The following PDZRN4 variants were observed in gnomAD, a reference collection of about 807,000 sequenced individuals.
PDZRN4 encodes the protein PDZ domain containing ring finger 4.
PDZRN4 carries 70 observed loss-of-function variants against 99.0 expected under a neutral mutation model. The ratio of observed to expected loss-of-function variants is 0.71; its 90% CI spans 0.58 to 0.86. The LOEUF (loss-of-function observed/expected upper bound fraction) is 0.86. Ranked by LOEUF, PDZRN4 falls within the 40% of genes least tolerant of loss-of-function variation. The pLI is 0.00. For missense variants in PDZRN4, 1,474 were observed against 1,331.2 expected (o/e 1.11, Z -1.67); for synonymous variants, 551 against 501.6 (o/e 1.10, Z -1.32).
intron 3 of PDZRN4, among the ~76,000 whole-genome samples, chr12:41,320,088 G>T (rs1302230198): frequency 6.6e-6 from 1 of 152,230 alleles, no homozygotes; most frequent in Non-Finnish European, 1.5e-5. Flanking sequence ...TGCTGTCCCA[G>T]TACCTGCTGT....
intron 3 of PDZRN4, among the ~76,000 whole-genome samples, chr12:41,313,927 G>T (rs1951622999): frequency 2.0e-5 from 3 of 152,128 alleles, no homozygotes. Flanking sequence ...GTGTGTATCT[G>T]TGTGTATAAA....
chr12:41,393,641 A>G (rs1952225799), intron 3 of PDZRN4, among the ~76,000 whole-genome samples: 3 of 152,148 alleles, frequency 2.0e-5, no homozygotes, highest in Admixed American at 1.3e-4. Context: ...AACAACAACT[A>G]TTTTATTATG....
intron 3 of PDZRN4, among the ~76,000 whole-genome samples, chr12:41,454,838 A>G (rs2255035): frequency 0.52 from 78,698 of 152,106 alleles, 20,915 homozygotes; most frequent in African/African-American, 0.65. Context: ...GCCTGAACCA[A>G]CACTTTCCAA....
At chr12:41,507,708 T>C (rs373923170) in intron 4 of PDZRN4, among the ~76,000 whole-genome samples, 4 of 152,248 alleles carry the variant, frequency 2.6e-5, no homozygotes, top group South Asian at 4.1e-4. Flanking sequence ...CCCTAGGCAA[T>C]CCTAATGTGC....
At chr12:41,204,696 G>T (rs976674795) in intron 3 of PDZRN4, among the ~76,000 whole-genome samples, 4 of 151,998 alleles carry the variant, frequency 2.6e-5, no homozygotes, top group Non-Finnish European at 5.9e-5. Flanking sequence ...CCACCCCCGT[G>T]ATTCAGTTAC....
At chr12:41,293,037 C>CT (rs899713723) in intron 3 of PDZRN4, among the ~76,000 whole-genome samples, 1 of 151,228 alleles carries the variant, frequency 6.6e-6, no homozygotes, top group Non-Finnish European at 1.5e-5. Flanking sequence ...CTTCTGGCTG[C>CT]TCACTCTGGG....
intron 3 of PDZRN4, among the ~76,000 whole-genome samples, chr12:41,355,050 G>T (rs1446355021): frequency 6.6e-6 from 1 of 152,030 alleles, no homozygotes; most frequent in South Asian, 2.1e-4. Context: ...TTTTGCCACC[G>T]ACTAAGTGTT....
intron 3 of PDZRN4, among the ~76,000 whole-genome samples, chr12:41,327,406 A>G (rs141096438): frequency 6.6e-6 from 1 of 152,320 alleles, no homozygotes; most frequent in Non-Finnish European, 1.5e-5. Context: ...CACCTAAGCT[A>G]CAGCACATTG....
intron 3 of PDZRN4, among the ~76,000 whole-genome samples, chr12:41,317,022 C>T (rs192932662): frequency 2.6e-5 from 2 of 76,820 alleles, no homozygotes; most frequent in Admixed American, 4.1e-4. Context: ...TATTAGAGTT[C>T]TCCAGAGAAT....
chr12:41,324,274 A>T (rs1050739894), intron 3 of PDZRN4, among the ~76,000 whole-genome samples: 7 of 152,068 alleles, frequency 4.6e-5, no homozygotes, highest in Non-Finnish European at 7.4e-5. Context: ...TACAAAAAAA[A>T]ATATCTGTGC....
intron 3 of PDZRN4, among the ~76,000 whole-genome samples, chr12:41,330,216 A>ATATCAAT (rs1951733840): frequency 6.6e-6 from 1 of 152,120 alleles, no homozygotes; most frequent in African/African-American, 2.4e-5. Context: ...AATCTGAATG[A>ATATCAAT]GTTAAACCAT....
chr12:41,351,234 G>T (rs964043108), intron 3 of PDZRN4, among the ~76,000 whole-genome samples: 1 of 152,036 alleles, frequency 6.6e-6, no homozygotes, highest in African/African-American at 2.4e-5. Context: ...GAGGAATATT[G>T]TTACCCATTT....
At chr12:41,242,319 G>C (rs974047745) in intron 3 of PDZRN4, among the ~76,000 whole-genome samples, 1 of 152,186 alleles carries the variant, frequency 6.6e-6, no homozygotes, top group Admixed American at 6.5e-5. Context: ...CTCAAGGAGG[G>C]AAAGAGAATT....
At chr12:41,359,286 G>A (rs1951949303) in intron 3 of PDZRN4, among the ~76,000 whole-genome samples, 1 of 152,058 alleles carries the variant, frequency 6.6e-6, no homozygotes, top group South Asian at 2.1e-4. Flanking sequence ...TAGCTAATTT[G>A]GGCTAGAAAA....
chr12:41,406,578 C>T (rs1198686527), intron 3 of PDZRN4, among the ~76,000 whole-genome samples: 1 of 152,058 alleles, frequency 6.6e-6, no homozygotes, highest in African/African-American at 2.4e-5. Flanking sequence ...AGAGAAATTA[C>T]CCTTAAAAAT....
chr12:41,466,007 A>T (rs1424955555), intron 3 of PDZRN4, among the ~76,000 whole-genome samples: 1 of 152,184 alleles, frequency 6.6e-6, no homozygotes, highest in Non-Finnish European at 1.5e-5. Context: ...GTATCTGATA[A>T]TACTATCCAA....
chr12:41,488,683 G>GA (rs776671496), intron 3 of PDZRN4, among the ~76,000 whole-genome samples: 13 of 151,820 alleles, frequency 8.6e-5, no homozygotes, highest in African/African-American at 2.2e-4. Flanking sequence ...GGGCTGGAGG[G>GA]AAAAAAAATG....
At chr12:41,492,137 A>T (rs1400964980) in intron 3 of PDZRN4, among the ~76,000 whole-genome samples, 1 of 151,950 alleles carries the variant, frequency 6.6e-6, no homozygotes, top group African/African-American at 2.4e-5. Context: ...AGTCTCAAAA[A>T]ATAAAACAGC....
intron 7 of PDZRN4, among the ~76,000 whole-genome samples, chr12:41,559,568 C>A (rs74446453): frequency 0.077 from 11,783 of 152,052 alleles, 465 homozygotes; most frequent in South Asian, 0.15. Context: ...TCCATGTAAG[C>A]CTCCTAATCT....
Sources: allele counts gnomAD v4.1 joint callset (sites outside exome capture counted in the v4.1 genomes callset), GRCh38; gene constraint gnomAD v4.1.1; transcripts MANE v1.5; gene names NCBI Gene and HGNC (gene_info 2026-07-23, HGNC 2026-07-21).